PLEKHH1: variants seen among roughly 807,000 people sequenced by gnomAD.
PLEKHH1 encodes pleckstrin homology, MyTH4 and FERM domain containing H1, also known as pleckstrin homology domain-containing family H member 1.
Under a neutral mutation model 160.0 loss-of-function variants are expected in PLEKHH1, and 104 were observed. The ratio of observed to expected loss-of-function variants is 0.65; its 90% CI spans 0.55 to 0.76. The LOEUF is 0.76. Ranked by LOEUF, PLEKHH1 falls within the 30% of genes least tolerant of loss-of-function variation. PLEKHH1 has a pLI of 0.00. For missense variants in PLEKHH1, 1,427 were observed against 1,724.1 expected, an observed-to-expected ratio of 0.83 and a Z score of 3.05; for synonymous variants, 619 against 678.4, an observed-to-expected ratio of 0.91 and a Z score of 1.36.
chr14:67,566,033 C>T (rs1338311214), intron 7 of PLEKHH1, among the ~76,000 whole-genome samples: 2 of 152,188 alleles, frequency 1.3e-5, no homozygotes, highest in Non-Finnish European at 2.9e-5. Flanking sequence ...GCAGTAGAAT[C>T]GCTTGAACCC....
intron 1 of PLEKHH1, among the ~76,000 whole-genome samples, chr14:67,539,257 A>C (rs1287173960): frequency 6.6e-6 from 1 of 152,174 alleles, no homozygotes; most frequent in Admixed American, 6.6e-5. Flanking sequence ...CTGTGATCTT[A>C]GCTCAGAGAA....
Position 67,583,804 on chromosome 14 carries a change from G to A in PLEKHH1, c.3490G>A (p.Ala1164Thr). 6.2e-7 allele frequency: 1 copy of A among 1,612,976 alleles called. No individual in the cohort carries two copies. Among genetic ancestry groups the A allele is most frequent in the Admixed American group, 1.7e-5 (1 of 59,846 alleles). Residue 1164 changes from alanine (A) to threonine (T), a missense_variant, in exon 25 of 29, where the codon GCT becomes ACT. This residue lies in a region of PLEKHH1 where 436 missense variants were observed against 607.5 expected (regional missense o/e 0.72). Transcript: ENST00000329153. ...CCCTGGAGGCACATCCCCTGCCAAGGCTCAGCATCTTCTCCAGCAGGTCCT... is the reference window on the plus strand; with the variant it reads ...CCCTGGAGGCACATCCCCTGCCAAGACTCAGCATCTTCTCCAGCAGGTCCT... ...PGPGGTSPAK[A>T]QHLLQQVLDR...
chr14:67,579,180 C>G lies in PLEKHH1; in HGVS notation c.2896C>G (p.Arg966Gly), dbSNP rs367714433. The stretch of plus-strand genomic sequence containing the variant: ...CACCTACTGCCAGCGGGCAGTGGAG[C>G]GGACCCTGCGGACCGGGGAGCGGGA... ...YATYCQRAVE[R>G]TLRTGEREAR... is the part of the protein sequence containing the mutation. Residue 966 changes from arginine to glycine, a missense_variant, in exon 21 of 29, where the codon CGG becomes GGG. Arg to Gly is a moderately radical substitution (Grantham distance 125, BLOSUM62 -2). Around this residue, in one of 6 missense-constraint regions of PLEKHH1, gnomAD observed 436 missense variants for 607.5 expected, o/e 0.72. Coordinates refer to ENST00000329153, the MANE Select transcript of PLEKHH1 (RefSeq NM_020715.3). The G allele has an allele frequency of 1.2e-6, 2 of 1,608,968 alleles. No homozygotes were observed. Among genetic ancestry groups the G allele is most frequent in the Non-Finnish European group, 1.7e-6 (2 of 1,178,374 alleles).
intron 26 of PLEKHH1, among the ~76,000 whole-genome samples, chr14:67,584,653 C>T (rs758335922): frequency 3.3e-5 from 5 of 152,280 alleles, no homozygotes; most frequent in Admixed American, 6.5e-5. Context: ...AGCCACAGAT[C>T]GGAAAATGGC....
At chr14:67,543,381 A>G (rs1240009119) in intron 2 of PLEKHH1, among the ~76,000 whole-genome samples, 2 of 152,212 alleles carry the variant, frequency 1.3e-5, no homozygotes, top group Non-Finnish European at 2.9e-5. Flanking sequence ...AGACTTTGCA[A>G]AACAGAGATG....
chr14:67,586,541 GT>G, intron 28 of PLEKHH1: 1 of 678,792 alleles, frequency 1.5e-6, no homozygotes, highest in Non-Finnish European at 2.3e-6. Context: ...CTTCCTTGTT[GT>G]GGGGAAGACC....
Position 67,541,888 on chromosome 14 carries a change from G to A in PLEKHH1, c.21G>A (p.Glu7=), listed in dbSNP as rs749575745. ...CCATCATGGCAGAACTCAAGGTGGA[G>A]GCGCCGGCCAGCGTAGACTGGCAGA... MAELKV[E]APASVDWQKR... is the part of the protein sequence containing the mutation. Residue 7 remains glutamate (E), a synonymous_variant, in exon 2 of 29, where the codon GAG becomes GAA. Coordinates refer to ENST00000329153, the MANE Select transcript of PLEKHH1 (RefSeq NM_020715.3). 1.2e-6 allele frequency: 2 copies of A among 1,602,746 alleles called. No individual in the cohort carries two copies. The highest frequency in any genetic ancestry group is 1.1e-5 in the South Asian group (1 of 88,646).
intron 4 of PLEKHH1, 26 bp downstream of exon 4, chr14:67,557,444 C>T (rs2034640384): frequency 6.2e-7 from 1 of 1,606,658 alleles, no homozygotes; most frequent in East Asian, 2.2e-5. Flanking sequence ...CAAGGGAGCA[C>T]CATGCCCTCT....
intron 26 of PLEKHH1, chr14:67,584,983 A>G (rs1445379422): frequency 2.6e-5 from 4 of 152,382 alleles, no homozygotes; most frequent in South Asian, 2.1e-4. Context: ...CCTTTGGGTT[A>G]AGAGAGAGAT....
In PLEKHH1 at chr14:67,576,365, C is replaced by T. The variant is rs1205769551; in HGVS notation, c.2353-30C>T. On this transcript the variant is annotated intron_variant, in intron 16 of 28. Transcript: ENST00000329153. The surrounding 1 kb of genome is among the most constrained non-coding windows in gnomAD (Gnocchi z 4.0). ...TTGCCTCCACTCTTCCCACCCCGTC[C>T]CCATCCGATGGCTTTCCGCCCTCTT... 3.1e-6 allele frequency: 4 copies of T among 1,291,180 alleles called. No homozygotes were observed. The highest frequency in any genetic ancestry group is 4.5e-6 in the Non-Finnish European group (4 of 891,244). The allele number at this position is 1,291,180 out of a possible 1,614,324, so 80.0% of individuals were successfully genotyped here.
At chr14:67,579,597 C>A in intron 21 of PLEKHH1, 124 bp from the exon 22 acceptor site, 2 of 947,118 alleles carry the variant, frequency 2.1e-6, no homozygotes, top group South Asian at 1.7e-5. Flanking sequence ...CAGAAACCAA[C>A]TTGCTTTGGC....
intron 4 of PLEKHH1, 88 bp from the exon 5 acceptor site, chr14:67,559,520 A>G: frequency 2.4e-6 from 2 of 844,776 alleles, no homozygotes; most frequent in Non-Finnish European, 4.0e-6. Flanking sequence ...TGGCACGCAC[A>G]CTTGGCCTTT....
At chr14:67,553,376 TA>T (rs917191571) in intron 2 of PLEKHH1, among the ~76,000 whole-genome samples, 11 of 148,986 alleles carry the variant, frequency 7.4e-5, no homozygotes, top group East Asian at 1.9e-4. Context: ...TCTGTGTGGG[TA>T]AAAAAAAAAC....
chr14:67,586,887 G>A (rs1214711171), intron 28 of PLEKHH1, 187 bp from the exon 29 acceptor site: 1 of 1,526,410 alleles, frequency 6.6e-7, no homozygotes, highest in East Asian at 2.5e-5. Context: ...AGACCAACAG[G>A]AGCCCACACC....
chr14:67,558,543 T>C (rs2064929), intron 4 of PLEKHH1, among the ~76,000 whole-genome samples: 94,580 of 152,048 alleles, frequency 0.62, 29,638 homozygotes, highest in Non-Finnish European at 0.65. Context: ...TGGCAGCATC[T>C]TGGGGGTTGG....
At chr14:67,580,077 T>A in intron 22 of PLEKHH1, 1 of 561,318 alleles carries the variant, frequency 1.8e-6, no homozygotes, top group South Asian at 2.2e-5. Context: ...CCCTTGTCTC[T>A]GGAGACAAGA....
At position 67,578,441 on chromosome 14, in the gene PLEKHH1, G is replaced by A; in HGVS notation, c.2752-93G>A. The A allele has an allele frequency of 2.1e-6, 2 of 974,154 alleles. No individual in the cohort carries two copies. Among genetic ancestry groups the A allele is most frequent in the Admixed American group, 4.0e-5 (2 of 50,130 alleles). The allele number at this position is 974,154 out of a possible 1,614,324, so 60.3% of individuals were successfully genotyped here. ...AGCAAGTTGGGGGCTCTGGTTTGGG[G>A]AAAGAGTGCTGAAGGCTCTGTAGCT... On this transcript the variant is annotated intron_variant, in intron 19 of 28. Coordinates refer to ENST00000329153, the MANE Select transcript of PLEKHH1 (RefSeq NM_020715.3). This position sits in a 1 kb window ranked among gnomAD's most constrained non-coding sequence, Gnocchi z 5.0.
Position 67,562,393 on chromosome 14 carries a change from C to G in PLEKHH1, c.762C>G (p.Pro254=). The G allele has an allele frequency of 6.2e-7, 1 of 1,613,714 alleles. No individual in the cohort carries two copies. The highest frequency in any genetic ancestry group is 1.1e-5 in the South Asian group (1 of 91,068). The part of the protein sequence containing the change: ...VHSGETVEAK[P]LQPHLGRESP... ...CTGGGGAAACAGTAGAGGCCAAGCC[C>G]CTTCAACCTCATCTGGGAAGAGAGA... Residue 254 remains proline, a synonymous_variant, in exon 7 of 29, where the codon CCC becomes CCG. Coordinates refer to ENST00000329153, the MANE Select transcript of PLEKHH1 (RefSeq NM_020715.3).
At position 67,578,185 on chromosome 14, in the gene PLEKHH1, T is replaced by C. The variant is rs2035716355; in HGVS notation, c.2737T>C (p.Tyr913His). The change falls in exon 19 of 29, where the codon TAC (tyrosine) becomes CAC (histidine). Residue 913 changes from tyrosine to histidine, a missense_variant. Tyr to His is a moderately conservative substitution (Grantham distance 83). This residue lies in a region of PLEKHH1 where 436 missense variants were observed against 607.5 expected (regional missense o/e 0.72). Coordinates refer to ENST00000329153, the MANE Select transcript of PLEKHH1 (RefSeq NM_020715.3). This position sits in a 1 kb window ranked among gnomAD's most constrained non-coding sequence, Gnocchi z 5.0. Reference protein sequence around the residue: ...KQTSCRPPQKYSLMQCWQLLA... With the variant: ...KQTSCRPPQKHSLMQCWQLLA... ...GACCAGCTGCCGCCCACCTCAGAAG[T>C]ACTCCCTCATGCAGGTAGGCATGCC... 3 of 1,613,574 alleles carry C rather than the reference T, an allele frequency of 1.9e-6. No homozygotes were observed.
Sources: allele counts gnomAD v4.1 joint callset (sites outside exome capture counted in the v4.1 genomes callset), GRCh38; gene constraint gnomAD v4.1.1; regional missense constraint gnomAD v4.1.1; non-coding constraint Gnocchi (gnomAD v3.1); transcripts MANE v1.5; gene names NCBI Gene and HGNC (gene_info 2026-07-23, HGNC 2026-07-21).